Variants in JAK2 observed in about 807,000 individuals in gnomAD.
The protein encoded by JAK2 is tyrosine-protein kinase JAK2.
Under a neutral mutation model 139.3 loss-of-function variants are expected in JAK2, and 86 were observed. The ratio of observed to expected loss-of-function variants is 0.62; its 90% CI spans 0.52 to 0.74. The LOEUF (loss-of-function observed/expected upper bound fraction) is 0.74, where lower values mean the gene tolerates loss of function less well. Ranked by LOEUF, JAK2 falls within the 30% of genes least tolerant of loss-of-function variation. The pLI, the probability that JAK2 is intolerant of heterozygous loss-of-function variation, is 0.00. For synonymous variants in JAK2, 490 were observed against 437.7 expected (o/e 1.12, Z -1.49); for missense variants, 1,421 against 1,360.3 (o/e 1.04, Z -0.70).
At chr9:5,015,345 C>G (rs1015024917) in intron 2 of JAK2, among the ~76,000 whole-genome samples, 1 of 152,148 alleles carries the variant, frequency 6.6e-6, no homozygotes, top group South Asian at 2.1e-4. Context: ...TCCTAAAAAC[C>G]TATTCAAGGG....
At chr9:5,089,196 G>C (rs1014848469) in intron 19 of JAK2, among the ~76,000 whole-genome samples, 1 of 152,102 alleles carries the variant, frequency 6.6e-6, no homozygotes, top group African/African-American at 2.4e-5. Flanking sequence ...CCCACCTGTT[G>C]AGATAGTATT....
At chr9:5,116,157 G>A (rs1443592303) in intron 22 of JAK2, among the ~76,000 whole-genome samples, 1 of 152,068 alleles carries the variant, frequency 6.6e-6, no homozygotes, top group Non-Finnish European at 1.5e-5. Context: ...AACCCTTGGA[G>A]AACATGTATG....
At chr9:5,045,456 A>T (rs143386157) in intron 5 of JAK2, among the ~76,000 whole-genome samples, 26 of 152,334 alleles carry the variant, frequency 1.7e-4, no homozygotes, top group Middle Eastern at 3.4e-3. Context: ...TTAAGTGTAC[A>T]GTTCAGTTGT....
At chr9:5,074,973 A>G (rs1015294384) in intron 14 of JAK2, among the ~76,000 whole-genome samples, 1 of 152,274 alleles carries the variant, frequency 6.6e-6, no homozygotes, top group Admixed American at 6.5e-5. Flanking sequence ...ATAAATTACA[A>G]GAAAGTGAAA....
intron 8 of JAK2, among the ~76,000 whole-genome samples, chr9:5,058,887 T>G (rs902361629): frequency 6.6e-6 from 1 of 152,198 alleles, no homozygotes; most frequent in African/African-American, 2.4e-5. Flanking sequence ...AATCAGGTTT[T>G]TTTTGCTGAA....
chr9:5,041,010 G>A, intron 4 of JAK2: 3 of 657,684 alleles, frequency 4.6e-6, no homozygotes, highest in South Asian at 3.0e-5. Context: ...TCCGGACCCC[G>A]CAGCTGCACC....
chr9:4,990,712 C>T (rs1378683630), intron 2 of JAK2, among the ~76,000 whole-genome samples: 1 of 152,074 alleles, frequency 6.6e-6, no homozygotes, highest in African/African-American at 2.4e-5. Flanking sequence ...AAAAAAAGGT[C>T]TTAAAAAGAT....
intron 3 of JAK2, among the ~76,000 whole-genome samples, chr9:5,022,713 A>C (rs1372805000): frequency 6.6e-6 from 1 of 152,082 alleles, no homozygotes; most frequent in Admixed American, 6.5e-5. Flanking sequence ...TTGAGACCTG[A>C]TTATATTATC....
chr9:5,042,466 CTA>C (rs1816661413), intron 4 of JAK2, among the ~76,000 whole-genome samples: 1 of 152,180 alleles, frequency 6.6e-6, no homozygotes, highest in Admixed American at 6.5e-5. Flanking sequence ...ACACCTGTGT[CTA>C]GTCCTCCCCT....
At chr9:5,087,686 AT>A (rs1820239895) in intron 19 of JAK2, among the ~76,000 whole-genome samples, 1 of 152,218 alleles carries the variant, frequency 6.6e-6, no homozygotes, top group Admixed American at 6.5e-5. Flanking sequence ...GTGATAAAAT[AT>A]ACATTTTCCC....
At chr9:5,094,887 C>T (rs937175416) in intron 22 of JAK2, 7 of 152,064 alleles carry the variant, frequency 4.6e-5, no homozygotes, top group East Asian at 1.9e-4. Flanking sequence ...TTTATGAATC[C>T]GAACAGCATA....
intron 2 of JAK2, among the ~76,000 whole-genome samples, chr9:5,005,749 C>T (rs1821257186): frequency 6.6e-6 from 1 of 152,134 alleles, no homozygotes; most frequent in African/African-American, 2.4e-5. Context: ...CTTCCTCAGA[C>T]ATTTGGAAAA....
chr9:5,027,909 C>A (rs1822883464), intron 3 of JAK2, among the ~76,000 whole-genome samples: 1 of 152,188 alleles, frequency 6.6e-6, no homozygotes. Flanking sequence ...ACCACATCTG[C>A]AGTGACTTCC....
chr9:5,022,134 A>G lies in JAK2; in HGVS notation c.147A>G (p.Lys49=), dbSNP rs774158685. 1.9e-6 allele frequency: 3 copies of G among 1,614,198 alleles called. No homozygotes were observed. Among genetic ancestry groups the G allele is most frequent in the South Asian group, 2.2e-5 (2 of 91,082 alleles). The change falls in exon 3 of 25, where the codon AAA becomes AAG. Residue 49 remains lysine, a synonymous_variant. Transcript: ENST00000381652. ...LQVYLYHSLG[K]SEADYLTFPS... is the part of the protein sequence containing the mutation. The stretch of plus-strand genomic sequence containing the variant: ...TGTATCTTTACCATTCCCTTGGGAA[A>G]TCTGAGGCAGATTATCTGACCTTTC...
intron 22 of JAK2, chr9:5,114,489 C>T: frequency 2.1e-6 from 1 of 466,168 alleles, no homozygotes; most frequent in Non-Finnish European, 4.3e-6. Flanking sequence ...CCCATGTGCT[C>T]CCCCACAGGT....
At chr9:5,072,416 C>T in intron 12 of JAK2, 76 bp from the exon 13 acceptor site, 4 of 1,107,386 alleles carry the variant, frequency 3.6e-6, no homozygotes, top group South Asian at 2.3e-5. Flanking sequence ...AATTCTTCCT[C>T]ATTGAATGTA....
At position 5,068,521 on chromosome 9, in the gene JAK2, CAGA is replaced by C. The variant is rs1321726900; in HGVS notation, c.1327-495_1327-493del. 5.3e-5 allele frequency among the ~76,000 whole-genome samples: 8 copies of C among 152,164 alleles called. No homozygotes were observed. In the East Asian group the frequency reaches 1.4e-3, roughly 26 times the overall value. ...GATGAATGAATAAAGGTTCATTGCT[CAGA>C]AGAAGTGGGTATACATTCTTAGGTA... On this transcript the variant is annotated intron_variant, in intron 10 of 24. Transcript: ENST00000381652.
intron 4 of JAK2, among the ~76,000 whole-genome samples, chr9:5,036,927 C>T (rs1816081994): frequency 6.6e-6 from 1 of 152,158 alleles, no homozygotes; most frequent in Non-Finnish European, 1.5e-5. Flanking sequence ...GAACAGGCAA[C>T]CTACAGAATG....
In JAK2 at chr9:5,035,445, T is replaced by G. The variant is rs904403871; in HGVS notation, c.350+5539T>G. ...GACACAACCAAAAAGGAGAATTTTA[T>G]ACCAATATCCTTGATGAACATTGAT... On this transcript the variant is annotated intron_variant, in intron 4 of 24. Coordinates refer to ENST00000381652, the MANE Select transcript of JAK2 (RefSeq NM_004972.4). Among the ~76,000 whole-genome samples, 3 of 152,252 alleles carry G rather than the reference T, an allele frequency of 2.0e-5. No homozygotes were observed. In the South Asian group the frequency reaches 6.2e-4, roughly 32 times the overall value.
Sources: allele counts gnomAD v4.1 joint callset (sites outside exome capture counted in the v4.1 genomes callset), GRCh38; gene constraint gnomAD v4.1.1; transcripts MANE v1.5; gene names NCBI Gene and HGNC (gene_info 2026-07-23, HGNC 2026-07-21).